SETD2: variants seen among roughly 807,000 people sequenced by gnomAD.
SETD2 encodes SET domain containing 2, histone lysine methyltransferase, also known as histone-lysine N-methyltransferase SETD2.
Under a neutral mutation model 242.1 loss-of-function variants are expected in SETD2, and 31 were observed. That is an observed-to-expected ratio of 0.13 (90% confidence interval 0.10 to 0.17). The LOEUF (loss-of-function observed/expected upper bound fraction) is 0.17, where lower values mean the gene tolerates loss of function less well. Ranked by LOEUF, SETD2 falls within the 10% of genes least tolerant of loss-of-function variation. The probability of loss-of-function intolerance (pLI) is 1.00; values close to 1 mark genes in which losing one functional copy is unlikely to be tolerated. For missense variants in SETD2, 2,481 were observed against 3,046.3 expected (o/e 0.81, Z 4.37); for synonymous variants, 1,006 against 1,066.5 (o/e 0.94, Z 1.11).
rs929225065 is a variant in SETD2 at position 47,016,867 on chromosome 3, C to G, written c.*226G>C. The G allele has an allele frequency of 5.7e-6, 3 of 527,744 alleles. No individual in the cohort carries two copies. The highest frequency in any genetic ancestry group is 6.8e-6 in the Non-Finnish European group (2 of 295,282). 32.7% of individuals were successfully genotyped at this position (527,744 alleles called of 1,614,324 possible). On this transcript the variant is annotated 3_prime_UTR_variant, in exon 21 of 21. Coordinates refer to ENST00000409792, the MANE Select transcript of SETD2 (RefSeq NM_014159.7). ...CAGGGTCTTTTCTAAGCCCTTGCACCTCTGATGGCTTCTAACCACATGCCA... is the reference window on the plus strand; with the variant it reads ...CAGGGTCTTTTCTAAGCCCTTGCACGTCTGATGGCTTCTAACCACATGCCA...
At chr3:47,019,494 C>T (rs773156334) in intron 19 of SETD2, among the ~76,000 whole-genome samples, 3 of 152,208 alleles carry the variant, frequency 2.0e-5, no homozygotes, top group Non-Finnish European at 2.9e-5. Context: ...CCACTACAGA[C>T]AGCTTTCTTT....
chr3:47,095,675 C>T (rs57535404), intron 9 of SETD2, among the ~76,000 whole-genome samples: 6,734 of 150,802 alleles, frequency 0.045, 514 homozygotes, highest in African/African-American at 0.16. Context: ...TGCAAAGATA[C>T]TAACTTTGAA....
intron 3 of SETD2, among the ~76,000 whole-genome samples, chr3:47,117,318 C>T (rs889176977): frequency 2.0e-5 from 3 of 149,856 alleles, no homozygotes; most frequent in African/African-American, 7.4e-5. Flanking sequence ...CAACCTTAAC[C>T]TTGGCAAATG....
At chr3:47,091,859 C>T (rs1477233972) in intron 9 of SETD2, among the ~76,000 whole-genome samples, 2 of 152,092 alleles carry the variant, frequency 1.3e-5, no homozygotes, top group Non-Finnish European at 2.9e-5. Flanking sequence ...GCAGGAGAAT[C>T]ACTTGAACTT....
chr3:47,115,989 A>T (rs2042838178), intron 4 of SETD2, among the ~76,000 whole-genome samples: 1 of 152,198 alleles, frequency 6.6e-6, no homozygotes, highest in Non-Finnish European at 1.5e-5. Context: ...ATTTATAAGA[A>T]CAATACAGAA....
chr3:47,142,664 C>T (rs1235332199), intron 1 of SETD2, among the ~76,000 whole-genome samples: 2 of 150,114 alleles, frequency 1.3e-5, no homozygotes, highest in African/African-American at 2.5e-5. Context: ...ACCATATATA[C>T]ATTGTCTTTT....
chr3:47,068,958 C>T lies in SETD2; in HGVS notation c.6061-1840G>A, dbSNP rs542701581. Among the ~76,000 whole-genome samples, 407 of 151,684 alleles carry T rather than the reference C, an allele frequency of 2.7e-3. 1 individual carries two copies. The highest frequency in any genetic ancestry group is 6.8e-3 in the Middle Eastern group (2 of 294). ...TACAGGTGCATGCCACCATGCTTGG[C>T]TAATTTTTGTATTTTTAGTAGAGAT... On this transcript the variant is annotated intron_variant, in intron 12 of 20. Coordinates refer to ENST00000409792, the MANE Select transcript of SETD2 (RefSeq NM_014159.7).
rs1559661056 is a variant in SETD2, at chr3:47,046,595, A to G, written c.6990T>C (p.Tyr2330=). 1 of 1,612,350 alleles carries G rather than the reference A, an allele frequency of 6.2e-7. No homozygotes were observed. Among genetic ancestry groups the G allele is most frequent in the East Asian group, 2.2e-5 (1 of 44,818 alleles). The part of the protein sequence containing the change: ...VQSYAQPSLQ[Y]IQGQQIFTAH... ...CTGTGAAAATCTGTTGCCCCTGGAT[A>G]TACTGAAGACTTGGCTGGGCATAAC... Residue 2330 remains tyrosine (Y), a synonymous_variant, in exon 16 of 21, where the codon TAT becomes TAC. Transcript: ENST00000409792.
At chr3:47,076,963 C>T (rs1273118782) in intron 12 of SETD2, among the ~76,000 whole-genome samples, 1 of 152,096 alleles carries the variant, frequency 6.6e-6, no homozygotes, top group Non-Finnish European at 1.5e-5. Context: ...TTTTAAAATA[C>T]TGTAGCATAA....
At chr3:47,151,532 C>T (rs2043983188) in intron 1 of SETD2, among the ~76,000 whole-genome samples, 1 of 152,032 alleles carries the variant, frequency 6.6e-6, no homozygotes, top group South Asian at 2.1e-4. Context: ...CCATCATGAT[C>T]TTCTCTAAGA....
At position 47,120,681 on chromosome 3, in the gene SETD2, C is replaced by T. The variant is rs200956000; in HGVS notation, c.3955G>A (p.Val1319Met). The change falls in exon 3 of 21, where the codon GTG (valine) becomes ATG (methionine). Residue 1319 changes from valine to methionine, a missense_variant. Coordinates refer to ENST00000409792, the MANE Select transcript of SETD2 (RefSeq NM_014159.7). ...ACTTGTCCTTGAGTTCGATCATACACAACCCCAGTTCCAGGAGGTCTACCT... is the reference window on the plus strand; with the variant it reads ...ACTTGTCCTTGAGTTCGATCATACATAACCCCAGTTCCAGGAGGTCTACCT... ...RSGRPPGTGVVYDRTQGQVPD... is the reference protein window; with the variant it reads ...RSGRPPGTGVMYDRTQGQVPD... 4 of 1,614,058 alleles carry T rather than the reference C, an allele frequency of 2.5e-6. No homozygotes were observed. In the East Asian group the frequency reaches 6.7e-5, roughly 27 times the overall value.
At chr3:47,072,351 TTTG>T (rs1468903612) in intron 12 of SETD2, among the ~76,000 whole-genome samples, 6 of 152,146 alleles carry the variant, frequency 3.9e-5, no homozygotes, top group Non-Finnish European at 8.8e-5. Flanking sequence ...ATTTCCACCT[TTTG>T]TTATATAGAG....
chr3:47,104,237 A>AT (rs1486407933), intron 6 of SETD2, among the ~76,000 whole-genome samples: 5 of 152,074 alleles, frequency 3.3e-5, no homozygotes, highest in African/African-American at 1.2e-4. Context: ...AAAAAAAAAA[A>AT]AATTTAAATA....
chr3:47,119,297 T>G (rs1315234641), intron 3 of SETD2, among the ~76,000 whole-genome samples: 1 of 152,206 alleles, frequency 6.6e-6, no homozygotes, highest in Non-Finnish European at 1.5e-5. Context: ...TTATTCTCAT[T>G]ATAATTTGTT....
chr3:47,091,397 C>T (rs183876798), intron 9 of SETD2, among the ~76,000 whole-genome samples: 10 of 152,156 alleles, frequency 6.6e-5, no homozygotes, highest in Non-Finnish European at 1.2e-4. Context: ...GAGGCCAAGG[C>T]GGACAGATCA....
intron 12 of SETD2, among the ~76,000 whole-genome samples, chr3:47,077,733 G>C (rs549704575): frequency 2.0e-5 from 3 of 152,298 alleles, no homozygotes; most frequent in African/African-American, 7.2e-5. Context: ...GATTCTTGAA[G>C]AAATGACCAA....
At chr3:47,084,600 ATTTTTAGT>A in intron 11 of SETD2, among the ~76,000 whole-genome samples, 2 of 151,362 alleles carry the variant, frequency 1.3e-5, no homozygotes, top group East Asian at 3.9e-4. Flanking sequence ...AATCTTTTGT[ATTTTTAGT>A]AGAGACAGGG....
intron 1 of SETD2, among the ~76,000 whole-genome samples, chr3:47,156,229 T>G (rs753195527): frequency 6.6e-6 from 1 of 152,170 alleles, no homozygotes; most frequent in Non-Finnish European, 1.5e-5. Flanking sequence ...AGAAAATTTA[T>G]TACAAATATC....
chr3:47,059,792 TTATTTA>T (rs751642423), intron 14 of SETD2, among the ~76,000 whole-genome samples: 35 of 151,256 alleles, frequency 2.3e-4, no homozygotes, highest in Non-Finnish European at 4.7e-4. Flanking sequence ...TGCATTTTAT[TTATTTA>T]TTTTTTCAGA....
Sources: gnomAD v4.1 joint callset for allele counts (sites outside exome capture counted in the v4.1 genomes callset) on GRCh38, gnomAD v4.1.1 for gene constraint, MANE v1.5 for transcripts, NCBI Gene and HGNC (gene_info 2026-07-23, HGNC 2026-07-21) for gene names.